PDE11A: variants seen among roughly 807,000 people sequenced by gnomAD.
PDE11A encodes phosphodiesterase 11A, also known as dual 3',5'-cyclic-AMP and -GMP phosphodiesterase 11A.
Under a neutral mutation model 100.5 loss-of-function variants are expected in PDE11A, and 100 were observed. The ratio of observed to expected loss-of-function variants is 1.00; its 90% CI spans 0.85 to 1.18. The LOEUF (loss-of-function observed/expected upper bound fraction) is 1.18, where lower values mean the gene tolerates loss of function less well. Among genes scored for constraint, PDE11A ranks in the 50% most tolerant of loss-of-function variants. PDE11A has a pLI of 0.00. For synonymous variants in PDE11A, 381 were observed against 420.8 expected (o/e 0.91, Z 1.16); for missense variants, 1,141 against 1,152.6 (o/e 0.99, Z 0.15).
chr2:177,847,042 C>T (rs1281071483), intron 5 of PDE11A, among the ~76,000 whole-genome samples: 1 of 152,158 alleles, frequency 6.6e-6, no homozygotes, highest in African/African-American at 2.4e-5. Context: ...TGATCATCCA[C>T]CTAACATCAT....
intron 5 of PDE11A, among the ~76,000 whole-genome samples, chr2:177,873,326 A>G (rs1454126928): frequency 6.6e-6 from 1 of 152,244 alleles, no homozygotes; most frequent in African/African-American, 2.4e-5. Flanking sequence ...CAGCATGAAT[A>G]GAGATTTTTC....
At chr2:177,712,917 T>TAAG (rs1160957464) in intron 12 of PDE11A, among the ~76,000 whole-genome samples, 1 of 152,228 alleles carries the variant, frequency 6.6e-6, no homozygotes, top group African/African-American at 2.4e-5. Context: ...CCCACACCTG[T>TAAG]AAGACACTTC....
intron 3 of PDE11A, among the ~76,000 whole-genome samples, chr2:177,901,559 G>A (rs1158333148): frequency 6.6e-6 from 1 of 152,160 alleles, no homozygotes; most frequent in East Asian, 1.9e-4. Context: ...ACTGAACAGA[G>A]CTAAGGACCA....
upstream of PDE11A, chr2:178,073,073 G>A: frequency 1.0e-6 from 1 of 985,366 alleles, no homozygotes; most frequent in Non-Finnish European, 1.2e-6. Context: ...TAATCCGTTA[G>A]CGTTTCGAGG....
intron 10 of PDE11A, among the ~76,000 whole-genome samples, chr2:177,760,444 T>C (rs1255292587): frequency 6.6e-6 from 1 of 152,160 alleles, no homozygotes; most frequent in Non-Finnish European, 1.5e-5. Flanking sequence ...TATATGTAAT[T>C]AAATCAAGCT....
chr2:177,713,467 G>C (rs1397590136), intron 12 of PDE11A, among the ~76,000 whole-genome samples: 1 of 152,070 alleles, frequency 6.6e-6, no homozygotes, highest in Non-Finnish European at 1.5e-5. Flanking sequence ...GCTCAAAATT[G>C]TAATCCCAGC....
At chr2:177,854,715 G>A (rs1426759655) in intron 5 of PDE11A, among the ~76,000 whole-genome samples, 1 of 152,062 alleles carries the variant, frequency 6.6e-6, no homozygotes, top group Non-Finnish European at 1.5e-5. Context: ...GAAGCTTCCT[G>A]GTAAATGAAG....
At chr2:177,814,134 T>C (rs2082996814) in intron 9 of PDE11A, among the ~76,000 whole-genome samples, 1 of 152,064 alleles carries the variant, frequency 6.6e-6, no homozygotes, top group African/African-American at 2.4e-5. Flanking sequence ...TTAAAAAACT[T>C]TGTTACATAA....
chr2:177,819,278 A>G (rs760656688), intron 7 of PDE11A, among the ~76,000 whole-genome samples: 1 of 152,108 alleles, frequency 6.6e-6, no homozygotes, highest in East Asian at 1.9e-4. Context: ...CTCAGAATTC[A>G]TATCTTAAAA....
In PDE11A at chr2:178,071,962, C is replaced by T. The variant is rs776187473; in HGVS notation, c.476G>A (p.Arg159Gln). ...LSSVRRRALL[R>Q]KASSLPPTTA... is the part of the protein sequence containing the mutation. ...GGTGGGGGGCAGGGAGCTTGCCTTC[C>T]GGAGAAGTGCCCTCCGTCGTACACT... Residue 159 changes from arginine (R) to glutamine (Q), a missense_variant, in exon 1 of 20, where the codon CGG becomes CAG. Physicochemically the swap from Arg to Gln is conservative, Grantham distance 43. Transcript: ENST00000286063. The T allele has an allele frequency of 2.7e-5, 44 of 1,613,934 alleles. No individual in the cohort carries two copies. The highest frequency in any genetic ancestry group is 6.6e-5 in the South Asian group (6 of 91,076).
intron 9 of PDE11A, among the ~76,000 whole-genome samples, chr2:177,795,809 A>C (rs1249066321): frequency 1.3e-5 from 2 of 151,362 alleles, no homozygotes; most frequent in East Asian, 3.9e-4. Flanking sequence ...AGAAATGTGG[A>C]TCCCACCTCC....
intron 3 of PDE11A, among the ~76,000 whole-genome samples, chr2:177,901,077 C>T (rs78477982): frequency 2.6e-5 from 4 of 152,120 alleles, no homozygotes; most frequent in African/African-American, 9.7e-5. Context: ...AGAATGCCTT[C>T]GAAGGACTAA....
chr2:177,885,082 A>G (rs1010685217), intron 4 of PDE11A, among the ~76,000 whole-genome samples: 1 of 152,162 alleles, frequency 6.6e-6, no homozygotes, highest in Non-Finnish European at 1.5e-5. Flanking sequence ...ATATGCATAC[A>G]TATGTTTATT....
At chr2:177,782,515 A>G (rs1316307921) in intron 9 of PDE11A, among the ~76,000 whole-genome samples, 1 of 152,216 alleles carries the variant, frequency 6.6e-6, no homozygotes, top group African/African-American at 2.4e-5. Flanking sequence ...TAAACTCATG[A>G]AATACTATGG....
At chr2:177,912,868 C>T (rs2084902165) in intron 2 of PDE11A, among the ~76,000 whole-genome samples, 1 of 152,076 alleles carries the variant, frequency 6.6e-6, no homozygotes, top group Admixed American at 6.6e-5. Flanking sequence ...CCTATTATGA[C>T]CAGTTTCTAT....
intron 2 of PDE11A, among the ~76,000 whole-genome samples, chr2:178,091,267 C>T (rs2087419192): frequency 6.6e-6 from 1 of 152,080 alleles, no homozygotes; most frequent in African/African-American, 2.4e-5. Flanking sequence ...GATAGGGTTT[C>T]ACCATGTTGA....
intron 2 of PDE11A, among the ~76,000 whole-genome samples, chr2:177,945,418 C>G (rs1422427224): frequency 7.6e-6 from 1 of 130,982 alleles, no homozygotes; most frequent in African/African-American, 2.8e-5. Context: ...AAGTGAGGAG[C>G]GTCTCTGCCC....
At chr2:177,767,492 C>T (rs78091830) in intron 10 of PDE11A, among the ~76,000 whole-genome samples, 2,153 of 152,088 alleles carry the variant, frequency 0.014, 42 homozygotes, top group East Asian at 0.046. Flanking sequence ...ATTATAACAA[C>T]AGCAAAAATA....
rs771976509 is a variant in PDE11A, at chr2:177,711,797, T to C, written c.2125A>G (p.Arg709Gly). The C allele has an allele frequency of 5.0e-6, 8 of 1,605,050 alleles. No individual in the cohort carries two copies. The highest frequency in any genetic ancestry group is 1.1e-5 in the South Asian group (1 of 90,892). The change falls in exon 13 of 20, where the codon AGG becomes GGG. Residue 709 changes from arginine to glycine, a missense_variant. Coordinates refer to ENST00000286063, the MANE Select transcript of PDE11A (RefSeq NM_016953.4). Reference protein sequence around the residue: ...VGCLCHDLDHRGTNNAFQAKS... With the variant: ...VGCLCHDLDHGGTNNAFQAKS... Reference sequence around the variant, plus strand: ...GCTTGGAAGGCATTGTTGGTTCCCCTGTGGTCGAGGTCATGACACAGGCAT... The same window carrying C: ...GCTTGGAAGGCATTGTTGGTTCCCCCGTGGTCGAGGTCATGACACAGGCAT...
Sources: allele counts gnomAD v4.1 joint callset (sites outside exome capture counted in the v4.1 genomes callset), GRCh38; gene constraint gnomAD v4.1.1; transcripts MANE v1.5; gene names NCBI Gene and HGNC (gene_info 2026-07-23, HGNC 2026-07-21).